The following GPHN variants were observed in gnomAD, a reference collection of about 807,000 sequenced individuals.
GPHN encodes gephyrin.
GPHN carries 17 observed loss-of-function variants against 95.5 expected under a neutral mutation model. The ratio of observed to expected loss-of-function variants is 0.18; its 90% CI spans 0.12 to 0.27. The LOEUF is 0.27. Among genes scored for constraint, GPHN ranks in the 10% least tolerant of loss-of-function variants. GPHN has a pLI of 1.00. For missense variants in GPHN, 660 were observed against 978.1 expected, an observed-to-expected ratio of 0.67 and a Z score of 4.34; for synonymous variants, 320 against 322.5, an observed-to-expected ratio of 0.99 and a Z score of 0.08.
chr14:67,461,917 G>A, the GPHN span, among the ~76,000 whole-genome samples: 3 of 152,240 alleles, frequency 2.0e-5, no homozygotes, highest in Non-Finnish European at 4.4e-5. Flanking sequence ...AGGGCCGGGC[G>A]AGGTTCTGCC....
At chr14:67,660,065 T>C in the GPHN span, 10 of 821,070 alleles carry the variant, frequency 1.2e-5, no homozygotes, top group African/African-American at 1.7e-5. Flanking sequence ...GCAGGGACCA[T>C]GTCTGGCATG....
At chr14:66,821,464 C>G (rs2061186929) in intron 3 of GPHN, among the ~76,000 whole-genome samples, 1 of 152,164 alleles carries the variant, frequency 6.6e-6, no homozygotes. Context: ...AGATTCTAGA[C>G]AACTATAGAC....
At chr14:67,469,879 C>T in the GPHN span, among the ~76,000 whole-genome samples, 2 of 152,194 alleles carry the variant, frequency 1.3e-5, no homozygotes, top group African/African-American at 4.8e-5. Context: ...CCTGCTTGGT[C>T]CCTCCTGCCT....
At chr14:66,852,958 G>A (rs945172210) in intron 4 of GPHN, among the ~76,000 whole-genome samples, 1 of 152,134 alleles carries the variant, frequency 6.6e-6, no homozygotes, top group Non-Finnish European at 1.5e-5. Context: ...ACACATAAAT[G>A]AGGGTAATTT....
intron 9 of GPHN, among the ~76,000 whole-genome samples, chr14:66,977,948 G>A (rs1223203125): frequency 6.6e-6 from 1 of 152,090 alleles, no homozygotes; most frequent in Non-Finnish European, 1.5e-5. Context: ...AGGTTCAGTT[G>A]CAGACCACTG....
the GPHN span, among the ~76,000 whole-genome samples, chr14:67,631,335 T>A: frequency 6.6e-6 from 1 of 152,170 alleles, no homozygotes; most frequent in Non-Finnish European, 1.5e-5. Context: ...AGTGTAACAT[T>A]CACCTTATTT....
chr14:66,891,762 A>ATAT (rs372757883), intron 5 of GPHN, among the ~76,000 whole-genome samples: 2,165 of 150,846 alleles, frequency 0.014, 27 homozygotes, highest in Non-Finnish European at 0.018. Flanking sequence ...ATATATATAT[A>ATAT]TTTTTTTTAA....
chr14:67,094,289 A>C (rs191294027), intron 12 of GPHN, among the ~76,000 whole-genome samples: 93 of 152,256 alleles, frequency 6.1e-4, no homozygotes, highest in African/African-American at 2.2e-3. Context: ...ACAGAACTAA[A>C]AGTGTTTTCT....
the GPHN span, among the ~76,000 whole-genome samples, chr14:67,496,649 T>TTC: frequency 6.7e-6 from 1 of 150,278 alleles, no homozygotes; most frequent in East Asian, 2.0e-4. Flanking sequence ...TTTTCTTTCT[T>TTC]TCTCTCTCTC....
intron 9 of GPHN, among the ~76,000 whole-genome samples, chr14:67,011,524 T>C (rs1594809490): frequency 7.3e-6 from 1 of 136,276 alleles, no homozygotes; most frequent in East Asian, 2.1e-4. Flanking sequence ...CAATGAGCTA[T>C]GATGGTACTA....
the GPHN span, among the ~76,000 whole-genome samples, chr14:67,465,224 C>T: frequency 2.0e-5 from 3 of 152,216 alleles, no homozygotes; most frequent in Non-Finnish European, 2.9e-5. Flanking sequence ...AGATAGAAAC[C>T]AATGTTGCCA....
At chr14:67,072,808 C>A (rs1240467992) in intron 11 of GPHN, among the ~76,000 whole-genome samples, 4 of 150,260 alleles carry the variant, frequency 2.7e-5, no homozygotes, top group Admixed American at 6.6e-5. Flanking sequence ...AAAAAAAATA[C>A]AAACCATTAA....
intron 9 of GPHN, among the ~76,000 whole-genome samples, chr14:67,018,476 C>A (rs2073429108): frequency 6.6e-6 from 1 of 151,986 alleles, no homozygotes; most frequent in Non-Finnish European, 1.5e-5. Flanking sequence ...TGTCTAAGGT[C>A]TAAAAGTTCA....
At chr14:67,534,181 T>C in the GPHN span, among the ~76,000 whole-genome samples, 1 of 152,218 alleles carries the variant, frequency 6.6e-6, no homozygotes, top group Non-Finnish European at 1.5e-5. Flanking sequence ...AGACACTGTG[T>C]ATAGGGCTAG....
the GPHN span, among the ~76,000 whole-genome samples, chr14:67,401,543 AGAG>A: frequency 6.6e-6 from 1 of 151,958 alleles, no homozygotes. Flanking sequence ...TTTAAAAAGA[AGAG>A]GAGATTTGGA....
chr14:67,457,395 G>C, the GPHN span, among the ~76,000 whole-genome samples: 1 of 152,204 alleles, frequency 6.6e-6, no homozygotes, highest in East Asian at 1.9e-4. Context: ...GGAGTTGGGA[G>C]TTAGAGACCA....
At chr14:67,484,781 G>A in the GPHN span, among the ~76,000 whole-genome samples, 1 of 152,014 alleles carries the variant, frequency 6.6e-6, no homozygotes, top group African/African-American at 2.4e-5. Flanking sequence ...AAAAGAAAAA[G>A]CACTCATAAT....
chr14:67,517,267 G>A, the GPHN span, among the ~76,000 whole-genome samples: 5 of 152,204 alleles, frequency 3.3e-5, no homozygotes, highest in Admixed American at 6.5e-5. Flanking sequence ...TGTGGCCGGC[G>A]GCTGGCAGCT....
At chr14:67,441,300 G>A in the GPHN span, among the ~76,000 whole-genome samples, 1 of 152,122 alleles carries the variant, frequency 6.6e-6, no homozygotes, top group African/African-American at 2.4e-5. Context: ...GAGACATTTG[G>A]TCAGGAATGA....
Sources: allele counts gnomAD v4.1 joint callset (sites outside exome capture counted in the v4.1 genomes callset), GRCh38; gene constraint gnomAD v4.1.1; transcripts MANE v1.5; gene names NCBI Gene and HGNC (gene_info 2026-07-23, HGNC 2026-07-21).